Variants in MYOZ2 observed in about 807,000 individuals in gnomAD.
MYOZ2 encodes myozenin 2, also known as myozenin-2.
Under a neutral mutation model 25.4 loss-of-function variants are expected in MYOZ2, and 19 were observed. The observed-to-expected ratio is 0.75, with a 90% CI of 0.52 to 1.10. The LOEUF (loss-of-function observed/expected upper bound fraction) is 1.10. Ranked by LOEUF, MYOZ2 falls within the 50% of genes least tolerant of loss-of-function variation. The probability of loss-of-function intolerance (pLI) is 0.00; values close to 1 mark genes in which losing one functional copy is unlikely to be tolerated. For synonymous variants in MYOZ2, 92 were observed against 106.9 expected (o/e 0.86, Z 0.86); for missense variants, 270 against 317.9 (o/e 0.85, Z 1.15).
chr4:119,180,913 T>C lies in MYOZ2; in HGVS notation c.561-5053T>C, dbSNP rs147598537. 8.5e-5 allele frequency among the ~76,000 whole-genome samples: 13 copies of C among 152,330 alleles called. No homozygotes were observed. In the East Asian group the frequency reaches 2.5e-3, roughly 29 times the overall value. On this transcript the variant is annotated intron_variant, in intron 5 of 5. Coordinates refer to ENST00000307128, the MANE Select transcript of MYOZ2 (RefSeq NM_016599.5). ...ATTGCCAGTACTTTTTATATTATGC[T>C]ACTTGAGTTATTTATCCAAAAGTTA...
intron 2 of MYOZ2, among the ~76,000 whole-genome samples, chr4:119,136,902 CT>C (rs60928041): frequency 0.23 from 35,001 of 151,722 alleles, 4,167 homozygotes; most frequent in South Asian, 0.32. Context: ...ACTCTCGATT[CT>C]TTTTTTTTTC....
intron 5 of MYOZ2, among the ~76,000 whole-genome samples, chr4:119,170,087 A>C (rs908358930): frequency 4.9e-4 from 74 of 152,104 alleles, no homozygotes; most frequent in African/African-American, 1.7e-3. Context: ...ATACTTCATA[A>C]TGTCGTGCCA....
In MYOZ2 at chr4:119,171,093, A is replaced by T. The variant is rs566378432; in HGVS notation, c.560+6699A>T. Among the ~76,000 whole-genome samples, 11 of 152,318 alleles carry T rather than the reference A, an allele frequency of 7.2e-5. 1 individual carries two copies. The South Asian group carries it at 2.3e-3, about 32-fold the overall frequency. On this transcript the variant is annotated intron_variant, in intron 5 of 5. Transcript: ENST00000307128. ...TAAAGGTAAAAGTTAAGACATACTT[A>T]CATAAATGTTTTCAGAGAAAGATGC...
chr4:119,187,435 T>C lies in MYOZ2; in HGVS notation c.*1235T>C, dbSNP rs969637053. The C allele has an allele frequency of 6.6e-6, 1 of 152,038 alleles. No individual in the cohort carries two copies. The highest frequency in any genetic ancestry group is 1.5e-5 in the Non-Finnish European group (1 of 67,992). 9.4% of individuals were successfully genotyped at this position (152,038 alleles called of 1,614,324 possible). A position where few individuals can be genotyped will look rare whatever the true frequency, so the allele number is the denominator to read the frequency against. ...GTGTGTAGTAATGAAAATACCAAGT[T>C]GCAACATTACATGTTTACAAAAAAA... On this transcript the variant is annotated 3_prime_UTR_variant, in exon 6 of 6. Coordinates refer to ENST00000307128, the MANE Select transcript of MYOZ2 (RefSeq NM_016599.5).
rs540848646 is a variant in MYOZ2 at position 119,152,191 on chromosome 4, G to A, written c.246+1150G>A. Among the ~76,000 whole-genome samples the A allele has an allele frequency of 1.2e-4, 18 of 152,002 alleles. No homozygotes were observed. The East Asian group carries it at 3.3e-3, about 28-fold the overall frequency. ...AGCCATCAAATCTTACTCAACTATAGTATTTATACTTGTGAAGAATGATTT... is the reference window on the plus strand; with the variant it reads ...AGCCATCAAATCTTACTCAACTATAATATTTATACTTGTGAAGAATGATTT... On this transcript the variant is annotated intron_variant, in intron 3 of 5. Transcript: ENST00000307128.
At chr4:119,161,156 A>G (rs1741699249) in intron 4 of MYOZ2, among the ~76,000 whole-genome samples, 1 of 152,116 alleles carries the variant, frequency 6.6e-6, no homozygotes, top group Non-Finnish European at 1.5e-5. Context: ...TGTTTAACTT[A>G]AGAGAAATTT....
At chr4:119,185,609 C>T (rs971377344) in intron 5 of MYOZ2, among the ~76,000 whole-genome samples, 15 of 152,172 alleles carry the variant, frequency 9.9e-5, no homozygotes, top group African/African-American at 3.6e-4. Context: ...GCCACCACGC[C>T]CGGCCTAGAA....
chr4:119,147,902 C>G (rs1015082588), intron 2 of MYOZ2, among the ~76,000 whole-genome samples: 4 of 152,036 alleles, frequency 2.6e-5, no homozygotes, highest in Non-Finnish European at 5.9e-5. Context: ...AGAAGGGAAG[C>G]CTATTGTATA....
chr4:119,159,822 G>A (rs1359775103), intron 4 of MYOZ2, among the ~76,000 whole-genome samples: 1 of 152,090 alleles, frequency 6.6e-6, no homozygotes, highest in Admixed American at 6.6e-5. Context: ...TGAGCACGAT[G>A]AGAAAAACTG....
chr4:119,185,131 C>T (rs1335395748), intron 5 of MYOZ2, among the ~76,000 whole-genome samples: 2 of 149,140 alleles, frequency 1.3e-5, no homozygotes, highest in African/African-American at 2.5e-5. Context: ...CCTTCCCTTT[C>T]CTTTTCTTTT....
Position 119,186,212 on chromosome 4 carries a change from T to C in MYOZ2, c.*12T>C. ...CAGAAGACCTATGAAAAGAAAGTTG[T>C]ATGTGCCACATAAAACTCTGAATAT... On this transcript the variant is annotated 3_prime_UTR_variant, in exon 6 of 6. Transcript: ENST00000307128. The C allele has an allele frequency of 6.3e-7, 1 of 1,592,820 alleles. No individual in the cohort carries two copies. The highest frequency in any genetic ancestry group is 8.6e-7 in the Non-Finnish European group (1 of 1,161,202).
Position 119,164,210 on chromosome 4 carries a change from G to T in MYOZ2, c.377-1G>T. ...CTTACTTTTGCTATATTTTTCCAAA[G>T]GATATTCTGGACCACTGAAGGAAAT... On this transcript the variant is annotated splice_acceptor_variant, in intron 4 of 5. Transcript: ENST00000307128. LOFTEE classifies it high-confidence loss of function. 1 of 1,613,618 alleles carries T rather than the reference G, an allele frequency of 6.2e-7. No individual in the cohort carries two copies. Among genetic ancestry groups the T allele is most frequent in the Non-Finnish European group, 8.5e-7 (1 of 1,179,606 alleles).
Position 119,136,615 on chromosome 4 carries a change from T to C in MYOZ2, c.76+14T>C. On this transcript the variant is annotated intron_variant, in intron 2 of 5. Coordinates refer to ENST00000307128, the MANE Select transcript of MYOZ2 (RefSeq NM_016599.5). Reference sequence around the variant, plus strand: ...TCCATGGAAATGGTATCAATAAAAATCCTTCGTAGCATTAATATAGCACAG... The same window carrying C: ...TCCATGGAAATGGTATCAATAAAAACCCTTCGTAGCATTAATATAGCACAG... 1 of 1,608,684 alleles carries C rather than the reference T, an allele frequency of 6.2e-7. No homozygotes were observed. The highest frequency in any genetic ancestry group is 8.5e-7 in the Non-Finnish European group (1 of 1,175,594).
intron 2 of MYOZ2, among the ~76,000 whole-genome samples, chr4:119,144,266 A>C (rs1412307055): frequency 6.6e-6 from 1 of 152,188 alleles, no homozygotes; most frequent in East Asian, 1.9e-4. Context: ...AATTCTCTAG[A>C]GATTCACCCG....
At chr4:119,167,619 T>C (rs1012486484) in intron 5 of MYOZ2, among the ~76,000 whole-genome samples, 1 of 152,234 alleles carries the variant, frequency 6.6e-6, no homozygotes, top group African/African-American at 2.4e-5. Flanking sequence ...ATGGCTTCCA[T>C]AGCTAGAGAG....
chr4:119,140,657 G>A (rs1360604187), intron 2 of MYOZ2, among the ~76,000 whole-genome samples: 1 of 152,134 alleles, frequency 6.6e-6, no homozygotes, highest in Non-Finnish European at 1.5e-5. Context: ...AAATTGCAGA[G>A]TTCAATTCTA....
chr4:119,136,748 G>A, intron 2 of MYOZ2, 147 bp downstream of exon 2: 1 of 829,016 alleles, frequency 1.2e-6, no homozygotes, highest in Non-Finnish European at 2.0e-6. Context: ...GTGTAGAAAA[G>A]CCTATGGTAA....
chr4:119,164,088 T>C, intron 4 of MYOZ2, 123 bp from the exon 5 acceptor site: 1 of 914,680 alleles, frequency 1.1e-6, no homozygotes. Context: ...TAAGGGATCA[T>C]GAAAAGGATG....
chr4:119,165,898 G>A (rs956844098), intron 5 of MYOZ2, among the ~76,000 whole-genome samples: 3 of 152,062 alleles, frequency 2.0e-5, no homozygotes, highest in Non-Finnish European at 4.4e-5. Flanking sequence ...GTAATATTTG[G>A]GTTAGTTATA....
Sources: gnomAD v4.1 joint callset for allele counts (sites outside exome capture counted in the v4.1 genomes callset) on GRCh38, gnomAD v4.1.1 for gene constraint, MANE v1.5 for transcripts, NCBI Gene and HGNC (gene_info 2026-07-23, HGNC 2026-07-21) for gene names.